Variants in PRR5L observed in about 807,000 individuals in gnomAD.
PRR5L encodes proline rich 5 like.
In PRR5L, 21 loss-of-function variants were observed where a neutral mutation model predicts 36.4. The ratio of observed to expected loss-of-function variants is 0.58; its 90% CI spans 0.41 to 0.83. PRR5L has a LOEUF of 0.83. Ranked by LOEUF, PRR5L falls within the 40% of genes least tolerant of loss-of-function variation. The probability of loss-of-function intolerance (pLI) is 0.00; values close to 1 mark genes in which losing one functional copy is unlikely to be tolerated. For missense variants in PRR5L, 381 were observed against 473.3 expected (o/e 0.80, Z 1.81); for synonymous variants, 188 against 197.0 (o/e 0.95, Z 0.38).
At chr11:36,455,285 G>C (rs942072752) in intron 8 of PRR5L, 3 of 152,700 alleles carry the variant, frequency 2.0e-5, no homozygotes, top group Non-Finnish European at 4.4e-5. Context: ...TGGCCAGGGA[G>C]CCTGGGAGAT....
At chr11:36,414,017 C>T (rs1209478602) in intron 3 of PRR5L, among the ~76,000 whole-genome samples, 1 of 149,684 alleles carries the variant, frequency 6.7e-6, no homozygotes, top group Admixed American at 6.6e-5. Context: ...CCACTTTTAT[C>T]CATGTCCCTA....
chr11:36,417,420 T>C (rs776677193), intron 3 of PRR5L, among the ~76,000 whole-genome samples: 7 of 152,224 alleles, frequency 4.6e-5, no homozygotes, highest in Non-Finnish European at 8.8e-5. Flanking sequence ...GTCTAGCCTC[T>C]GCCTCAAAGA....
Position 36,462,612 on chromosome 11 carries a change from G to C in PRR5L, c.983G>C (p.Ser328Thr), listed in dbSNP as rs760616313. Residue 328 changes from serine (S) to threonine (T), a missense_variant, in exon 9 of 9, where the codon AGC (serine) becomes ACC (threonine). Transcript: ENST00000530639. Reference protein sequence around the residue: ...SENKCLLLPPSFPPPHRQCSS... With the variant: ...SENKCLLLPPTFPPPHRQCSS... The stretch of plus-strand genomic sequence containing the variant: ...AACAAGTGCCTGCTCCTGCCACCCA[G>C]CTTCCCCCCGCCCCACCGGCAGTGC... 6.2e-7 allele frequency: 1 copy of C among 1,612,460 alleles called. No individual in the cohort carries two copies. Among genetic ancestry groups the C allele is most frequent in the Non-Finnish European group, 8.5e-7 (1 of 1,179,942 alleles).
chr11:36,305,981 G>A (rs1856427002), intron 1 of PRR5L, among the ~76,000 whole-genome samples: 1 of 152,160 alleles, frequency 6.6e-6, no homozygotes, highest in Non-Finnish European at 1.5e-5. Flanking sequence ...AAAGGTGCTG[G>A]CACTTTGTCT....
intron 1 of PRR5L, among the ~76,000 whole-genome samples, chr11:36,341,900 G>A (rs1435264701): frequency 6.6e-6 from 1 of 152,200 alleles, no homozygotes; most frequent in Non-Finnish European, 1.5e-5. Context: ...AGGTGGGGAA[G>A]AGAACAGGAG....
rs996395378 is a variant in PRR5L at position 36,377,485 on chromosome 11, G to C, written c.-125-23512G>C. The C allele has an allele frequency of 1.3e-5, 2 of 152,278 alleles. No individual in the cohort carries two copies. The highest frequency in any genetic ancestry group is 6.5e-5 in the Admixed American group (1 of 15,292). The allele number at this position is 152,278 out of a possible 1,614,324, so 9.4% of individuals were successfully genotyped here. A position where few individuals can be genotyped will look rare whatever the true frequency, so the allele number is the denominator to read the frequency against. On this transcript the variant is annotated intron_variant, in intron 1 of 8. Coordinates refer to ENST00000530639, the MANE Select transcript of PRR5L (RefSeq NM_001160167.2). This position sits in a 1 kb window ranked among gnomAD's most constrained non-coding sequence, Gnocchi z 5.1. ...AGGGGGCGCTCTAGGGGCCCCGCCC[G>C]GGCAGCTGGGACCCTGCCTGCCCAA...
At chr11:36,329,360 C>G (rs930723215) in intron 1 of PRR5L, 1 of 152,030 alleles carries the variant, frequency 6.6e-6, no homozygotes, top group African/African-American at 2.4e-5. Flanking sequence ...TTTTAGCTCT[C>G]AAGTCAGGAA....
intron 1 of PRR5L, among the ~76,000 whole-genome samples, chr11:36,307,960 A>G (rs1368504459): frequency 1.3e-5 from 2 of 152,162 alleles, no homozygotes; most frequent in Non-Finnish European, 2.9e-5. Context: ...CCCCACAGGC[A>G]CACTGTATGT....
At chr11:36,449,056 C>T (rs536810559) in intron 7 of PRR5L, among the ~76,000 whole-genome samples, 4 of 152,322 alleles carry the variant, frequency 2.6e-5, no homozygotes, top group Non-Finnish European at 5.9e-5. Context: ...GCATCACTTC[C>T]CCTGAGGGCT....
intron 1 of PRR5L, 50 bp downstream of exon 1, chr11:36,296,488 G>A (rs1392342815): frequency 6.6e-6 from 1 of 152,260 alleles, no homozygotes; most frequent in Non-Finnish European, 1.5e-5. Flanking sequence ...TGGGGTTGCA[G>A]GGGATGGCTG....
At chr11:36,315,234 G>A (rs780474795) in intron 1 of PRR5L, among the ~76,000 whole-genome samples, 6 of 152,154 alleles carry the variant, frequency 3.9e-5, no homozygotes, top group South Asian at 2.1e-4. Flanking sequence ...GATGAAATGA[G>A]ATACTGCATG....
At chr11:36,391,605 G>C (rs1170772085) in intron 1 of PRR5L, among the ~76,000 whole-genome samples, 1 of 152,158 alleles carries the variant, frequency 6.6e-6, no homozygotes, top group Admixed American at 6.6e-5. Flanking sequence ...AATGTAAATG[G>C]CATTGGTCCT....
chr11:36,400,970 TC>T (rs1392807511), intron 1 of PRR5L, 26 bp from the exon 2 acceptor site: 1 of 1,424,608 alleles, frequency 7.0e-7, no homozygotes, highest in African/African-American at 1.4e-5. Flanking sequence ...CCAGGAGTTC[TC>T]AATAAAAGCT....
At chr11:36,439,393 G>C (rs978837882) in intron 6 of PRR5L, among the ~76,000 whole-genome samples, 1 of 152,154 alleles carries the variant, frequency 6.6e-6, no homozygotes, top group African/African-American at 2.4e-5. Flanking sequence ...GTGGGTCTAA[G>C]GATAGCTCTG....
intron 1 of PRR5L, among the ~76,000 whole-genome samples, chr11:36,351,874 G>A (rs1052518860): frequency 5.4e-5 from 8 of 147,522 alleles, no homozygotes; most frequent in Admixed American, 2.1e-4. Context: ...CGAATTGTGC[G>A]GCTATAAACA....
intron 6 of PRR5L, among the ~76,000 whole-genome samples, chr11:36,439,792 G>T (rs1858683582): frequency 6.6e-6 from 1 of 152,170 alleles, no homozygotes. Flanking sequence ...TTATAGGACT[G>T]TATCTCTTAG....
At chr11:36,354,481 G>A (rs911548437) in intron 1 of PRR5L, among the ~76,000 whole-genome samples, 4 of 152,146 alleles carry the variant, frequency 2.6e-5, no homozygotes, top group Non-Finnish European at 5.9e-5. Context: ...GTATCATAAA[G>A]TTTACTAAGC....
At chr11:36,302,172 A>G (rs1285857349) in intron 1 of PRR5L, among the ~76,000 whole-genome samples, 1 of 152,222 alleles carries the variant, frequency 6.6e-6, no homozygotes, top group African/African-American at 2.4e-5. Flanking sequence ...ACAGGAACAC[A>G]ATGAATGGCC....
intron 1 of PRR5L, among the ~76,000 whole-genome samples, chr11:36,302,040 A>T (rs1447684634): frequency 6.6e-6 from 1 of 152,188 alleles, no homozygotes; most frequent in Non-Finnish European, 1.5e-5. Flanking sequence ...AATTGTTGGG[A>T]GTATATGGGA....
Sources: gnomAD v4.1 joint callset for allele counts (sites outside exome capture counted in the v4.1 genomes callset) on GRCh38, gnomAD v4.1.1 for gene constraint, Gnocchi (gnomAD v3.1) non-coding constraint, MANE v1.5 for transcripts, NCBI Gene and HGNC (gene_info 2026-07-23, HGNC 2026-07-21) for gene names.